PPARGC1A: variants seen among roughly 807,000 people sequenced by gnomAD.
The protein encoded by PPARGC1A is peroxisome proliferator-activated receptor gamma coactivator 1-alpha.
In PPARGC1A, 25 loss-of-function variants were observed where a neutral mutation model predicts 88.7. The ratio of observed to expected loss-of-function variants is 0.28; its 90% confidence interval spans 0.21 to 0.39. The LOEUF (loss-of-function observed/expected upper bound fraction) is 0.39, where lower values mean the gene tolerates loss of function less well. PPARGC1A is among the 10% of genes least tolerant of loss of function. The probability of loss-of-function intolerance (pLI) is 1.00; values close to 1 mark genes in which losing one functional copy is unlikely to be tolerated. For synonymous variants in PPARGC1A, 363 were observed against 355.6 expected, an observed-to-expected ratio of 1.02 and a Z score of -0.24; for missense variants, 880 against 968.7, an observed-to-expected ratio of 0.91 and a Z score of 1.22.
the PPARGC1A span, among the ~76,000 whole-genome samples, chr4:24,143,186 T>G: frequency 7.4e-4 from 112 of 152,350 alleles, no homozygotes; most frequent in African/African-American, 2.4e-3. Context: ...GTTTACTCTC[T>G]TGTTTTTCAT....
chr4:24,400,805 G>A, the PPARGC1A span, among the ~76,000 whole-genome samples: 8 of 152,276 alleles, frequency 5.3e-5, 1 homozygote, highest in African/African-American at 1.7e-4. Context: ...AAATGGTGAC[G>A]AAGATGGTGA....
At chr4:24,225,183 A>G in the PPARGC1A span, among the ~76,000 whole-genome samples, 2 of 152,236 alleles carry the variant, frequency 1.3e-5, no homozygotes, top group Non-Finnish European at 2.9e-5. Context: ...AACAGTCCAC[A>G]GGAGAAAGGA....
the PPARGC1A span, among the ~76,000 whole-genome samples, chr4:24,221,077 T>C: frequency 2.6e-5 from 4 of 152,144 alleles, no homozygotes; most frequent in Non-Finnish European, 5.9e-5. Flanking sequence ...TCGTAATTCA[T>C]TCTACTTTTT....
intron 2 of PPARGC1A, chr4:23,882,588 T>C (rs757362939): frequency 2.0e-5 from 3 of 152,092 alleles, no homozygotes; most frequent in Admixed American, 1.3e-4. Flanking sequence ...GTCCCGTGAA[T>C]TGGGGTGTGG....
chr4:23,920,887 G>A, the PPARGC1A span, among the ~76,000 whole-genome samples: 1 of 152,118 alleles, frequency 6.6e-6, no homozygotes, highest in Admixed American at 6.5e-5. Flanking sequence ...CAGCCACGGG[G>A]AGCCTGTTCC....
chr4:24,220,613 A>G, the PPARGC1A span, among the ~76,000 whole-genome samples: 1 of 152,206 alleles, frequency 6.6e-6, no homozygotes, highest in Non-Finnish European at 1.5e-5. Context: ...TAAGCAAATT[A>G]ATGCAGGAAC....
the PPARGC1A span, among the ~76,000 whole-genome samples, chr4:24,416,558 A>G: frequency 6.6e-6 from 1 of 152,314 alleles, no homozygotes; most frequent in African/African-American, 2.4e-5. Flanking sequence ...CGAAGGGATC[A>G]GGTGACTCAA....
At chr4:23,929,266 A>G in the PPARGC1A span, among the ~76,000 whole-genome samples, 1 of 152,234 alleles carries the variant, frequency 6.6e-6, no homozygotes, top group Non-Finnish European at 1.5e-5. Flanking sequence ...AAGTATTGCT[A>G]TAGACAAAAT....
chr4:24,353,220 G>A, the PPARGC1A span, among the ~76,000 whole-genome samples: 803 of 134,644 alleles, frequency 6.0e-3, 7 homozygotes, highest in African/African-American at 0.021. Flanking sequence ...ATCCTCTTTC[G>A]TCTTAAATAC....
At chr4:23,914,123 A>G in the PPARGC1A span, among the ~76,000 whole-genome samples, 2,779 of 152,326 alleles carry the variant, frequency 0.018, 74 homozygotes, top group African/African-American at 0.062. Context: ...CTCTGTGCCA[A>G]GCACTATGCT....
At chr4:24,104,476 T>C in the PPARGC1A span, among the ~76,000 whole-genome samples, 1 of 152,110 alleles carries the variant, frequency 6.6e-6, no homozygotes, top group African/African-American at 2.4e-5. Flanking sequence ...TACGTGTTAT[T>C]TGTGATCTGC....
At chr4:24,190,247 G>A in the PPARGC1A span, among the ~76,000 whole-genome samples, 1 of 152,214 alleles carries the variant, frequency 6.6e-6, no homozygotes, top group Admixed American at 6.5e-5. Flanking sequence ...CGGGTACGGA[G>A]GCTCACGCCT....
chr4:24,110,487 G>T, the PPARGC1A span, among the ~76,000 whole-genome samples: 1 of 152,122 alleles, frequency 6.6e-6, no homozygotes, highest in East Asian at 1.9e-4. Flanking sequence ...TCCCAGCTCT[G>T]CAAGAAAGAT....
chr4:23,910,649 A>G, the PPARGC1A span, among the ~76,000 whole-genome samples: 1 of 150,698 alleles, frequency 6.6e-6, no homozygotes, highest in Non-Finnish European at 1.5e-5. Flanking sequence ...CATATTGGCC[A>G]TGCTGGTCTT....
the PPARGC1A span, among the ~76,000 whole-genome samples, chr4:24,169,114 A>G: frequency 2.0e-5 from 3 of 152,210 alleles, no homozygotes; most frequent in Non-Finnish European, 4.4e-5. Flanking sequence ...TGTGACAAAA[A>G]TGGCACTTTA....
the PPARGC1A span, among the ~76,000 whole-genome samples, chr4:24,424,789 T>C: frequency 6.6e-6 from 1 of 152,222 alleles, no homozygotes; most frequent in Non-Finnish European, 1.5e-5. Flanking sequence ...AAAATCTATA[T>C]AATGTGTGCT....
At chr4:23,899,338 T>C (rs887191706), upstream of PPARGC1A, 15 of 152,252 alleles carry the variant, frequency 9.9e-5, no homozygotes, top group African/African-American at 3.6e-4. Flanking sequence ...TTCAATGTTA[T>C]TTATTATGTA....
the PPARGC1A span, among the ~76,000 whole-genome samples, chr4:24,045,805 C>T: frequency 1.2e-4 from 18 of 152,208 alleles, no homozygotes; most frequent in Non-Finnish European, 1.2e-4. Context: ...ATAATTCAAC[C>T]CATAATAAAT....
the PPARGC1A span, among the ~76,000 whole-genome samples, chr4:24,206,629 C>T: frequency 1.2e-4 from 18 of 151,974 alleles, no homozygotes; most frequent in South Asian, 2.5e-3. Context: ...GCCAGGAGTT[C>T]GAGACCAGCC....
Sources: allele counts gnomAD v4.1 joint callset (sites outside exome capture counted in the v4.1 genomes callset), GRCh38; gene constraint gnomAD v4.1.1; transcripts MANE v1.5; gene names NCBI Gene and HGNC (gene_info 2026-07-23, HGNC 2026-07-21).